The following MUCL1 variants were observed in gnomAD, a reference collection of about 807,000 sequenced individuals.
The protein encoded by MUCL1 is mucin-like protein 1.
In MUCL1, 11 loss-of-function variants were observed where a neutral mutation model predicts 9.2. That is an observed-to-expected ratio of 1.19 (90% CI 0.75 to 1.97). The LOEUF (loss-of-function observed/expected upper bound fraction) is 1.97, where lower values mean the gene tolerates loss of function less well. Among genes scored for constraint, MUCL1 ranks in the 30% most tolerant of loss-of-function variants. The pLI, the probability that MUCL1 is intolerant of heterozygous loss-of-function variation, is 0.00. For missense variants in MUCL1, 144 were observed against 110.9 expected, an observed-to-expected ratio of 1.30 and a Z score of -1.34; for synonymous variants, 48 against 40.5, an observed-to-expected ratio of 1.19 and a Z score of -0.71.
At chr12:54,856,931 G>T (rs375520014) in intron 3 of MUCL1, 39 bp downstream of exon 3, 1 of 1,612,060 alleles carries the variant, frequency 6.2e-7, no homozygotes, top group South Asian at 1.1e-5. Flanking sequence ...CCTTTATGTG[G>T]CTCCTTGATT....
chr12:54,856,710 G>C, intron 2 of MUCL1, 60 bp from the exon 3 acceptor site: 8 of 1,552,734 alleles, frequency 5.2e-6, no homozygotes, highest in Non-Finnish European at 7.0e-6. Context: ...ACCCCTGGGT[G>C]GGATAAATTT....
chr12:54,846,164 G>T (rs1372241417), intron 1 of MUCL1, among the ~76,000 whole-genome samples: 2 of 152,144 alleles, frequency 1.3e-5, no homozygotes, highest in Non-Finnish European at 2.9e-5. Context: ...CTTGCCATAG[G>T]CGGAGGGTCC....
chr12:54,833,873 A>T (rs1408333099), intron 1 of MUCL1, among the ~76,000 whole-genome samples: 1 of 152,090 alleles, frequency 6.6e-6, no homozygotes, highest in African/African-American at 2.4e-5. Context: ...CTAATGCTAA[A>T]TGATGAGTTA....
chr12:54,843,699 C>A (rs796357635), intron 1 of MUCL1, among the ~76,000 whole-genome samples: 1 of 152,086 alleles, frequency 6.6e-6, no homozygotes, highest in South Asian at 2.1e-4. Context: ...AAAGGGCCCA[C>A]AAGGCAAGTA....
intron 1 of MUCL1, among the ~76,000 whole-genome samples, chr12:54,848,879 C>T (rs1959295081): frequency 6.6e-6 from 1 of 152,076 alleles, no homozygotes; most frequent in Admixed American, 6.6e-5. Flanking sequence ...TAAGTGTATA[C>T]ATATATTGTG....
chr12:54,851,819 T>TTTTGC (rs1868248087), upstream of MUCL1, among the ~76,000 whole-genome samples: 1 of 152,142 alleles, frequency 6.6e-6, no homozygotes, highest in Admixed American at 6.6e-5. Flanking sequence ...AGTCTCAGGA[T>TTTTGC]ACAAAAATCA....
chr12:54,843,330 G>T (rs898943453), intron 1 of MUCL1, among the ~76,000 whole-genome samples: 1 of 152,096 alleles, frequency 6.6e-6, no homozygotes, highest in African/African-American at 2.4e-5. Context: ...AATGGGTATT[G>T]AATTTTATCA....
upstream of MUCL1, among the ~76,000 whole-genome samples, chr12:54,851,980 C>T (rs955474773): frequency 1.1e-4 from 17 of 152,132 alleles, no homozygotes; most frequent in Admixed American, 4.6e-4. Context: ...AAGAGAACTA[C>T]AAATCACTGC....
chr12:54,837,989 T>C (rs948870308), upstream of MUCL1, among the ~76,000 whole-genome samples: 1 of 152,214 alleles, frequency 6.6e-6, no homozygotes, highest in African/African-American at 2.4e-5. Context: ...GTTACCTTGA[T>C]ACTTTGCTAT....
Position 54,841,180 on chromosome 12 carries a change from G to A in MUCL1, c.43+1733G>A, listed in dbSNP as rs74411181. 7.2e-4 allele frequency among the ~76,000 whole-genome samples: 110 copies of A among 152,240 alleles called. 1 individual carries two copies. The highest frequency in any genetic ancestry group is 2.6e-3 in the African/African-American group (107 of 41,524). On this transcript the variant is annotated intron_variant, in intron 1 of 3. Transcript: ENST00000546809. ...ATGGAAGGGCTTCCTTCTTCTTTTA[G>A]CCTAAATAATACATACATGTATATG...
Position 54,856,803 on chromosome 12 carries a change from AAACCACTGCTGCTGC to A in MUCL1, c.144_158del (p.Ala49_Ala53del), listed in dbSNP as rs1031104406. The A allele has an allele frequency of 6.2e-7, 1 of 1,613,268 alleles. No homozygotes were observed. Among genetic ancestry groups the A allele is most frequent in the South Asian group, 1.1e-5 (1 of 91,044 alleles). ...GCTGATGATGAAGCCCCTGATGCTG[AAACCACTGCTGCTGC>A]AACCACTGCAACCACTGCTGCTCCT... is the stretch of plus-strand genomic sequence containing the variant. On this transcript the variant is annotated inframe_deletion, in exon 3 of 4. Transcript: ENST00000308796.
At chr12:54,839,036 C>CT (rs1262215858), upstream of MUCL1, among the ~76,000 whole-genome samples, 1 of 152,114 alleles carries the variant, frequency 6.6e-6, no homozygotes, top group Non-Finnish European at 1.5e-5. Context: ...CTAGTTCCTT[C>CT]TCACTTGGGT....
At chr12:54,835,424 T>G (rs1441680281), upstream of MUCL1, among the ~76,000 whole-genome samples, 1 of 152,156 alleles carries the variant, frequency 6.6e-6, no homozygotes, top group East Asian at 1.9e-4. Context: ...ATCTACTGTT[T>G]TTTTGACTTT....
intron 2 of MUCL1, among the ~76,000 whole-genome samples, 197 bp from the exon 3 acceptor site, chr12:54,856,572 TC>T (rs1264306534): frequency 6.6e-6 from 1 of 152,124 alleles, no homozygotes; most frequent in Non-Finnish European, 1.5e-5. Flanking sequence ...AACCCCAAAT[TC>T]TTTCTGTCCC....
chr12:54,856,380 G>A (rs1424857398), intron 2 of MUCL1, among the ~76,000 whole-genome samples: 2 of 152,198 alleles, frequency 1.3e-5, no homozygotes, highest in Admixed American at 6.5e-5. Flanking sequence ...ACATTGGAAT[G>A]TATGCTGTCT....
chr12:54,856,709 T>C, intron 2 of MUCL1, 61 bp from the exon 3 acceptor site: 1 of 1,551,762 alleles, frequency 6.4e-7, no homozygotes, highest in East Asian at 2.4e-5. Flanking sequence ...TACCCCTGGG[T>C]GGGATAAATT....
At chr12:54,857,980 C>A (rs775891179) in intron 3 of MUCL1, among the ~76,000 whole-genome samples, 2 of 152,126 alleles carry the variant, frequency 1.3e-5, no homozygotes, top group African/African-American at 2.4e-5. Flanking sequence ...AAAGTTCCAA[C>A]CTACCTGGGC....
upstream of MUCL1, among the ~76,000 whole-genome samples, chr12:54,851,197 C>T (rs949565576): frequency 2.8e-4 from 42 of 152,068 alleles, no homozygotes; most frequent in African/African-American, 9.4e-4. Flanking sequence ...GGTTTTGTTG[C>T]CATTGCTTTT....
intron 2 of MUCL1, among the ~76,000 whole-genome samples, chr12:54,856,232 T>C (rs1408475953): frequency 6.6e-6 from 1 of 151,948 alleles, no homozygotes. Flanking sequence ...AATATGGCTC[T>C]TTTCATTCTA....
Sources: gnomAD v4.1 joint callset for allele counts (sites outside exome capture counted in the v4.1 genomes callset) on GRCh38, gnomAD v4.1.1 for gene constraint, MANE v1.5 for transcripts, NCBI Gene and HGNC (gene_info 2026-07-23, HGNC 2026-07-21) for gene names.